Variants in MS4A18 observed in about 807,000 individuals in gnomAD.
MS4A18 encodes the protein membrane-spanning 4-domains subfamily A member 18.
MS4A18 carries 27 observed loss-of-function variants against 13.1 expected under a neutral mutation model. The ratio of observed to expected loss-of-function variants is 2.06; its 90% CI spans 1.52 to 2.84. MS4A18 has a LOEUF of 2.84. Ranked by LOEUF, MS4A18 falls within the 30% of genes most tolerant of loss-of-function variation. MS4A18 has a pLI of 0.00. For synonymous variants in MS4A18, 126 were observed against 76.5 expected (o/e 1.65, Z -3.38); for missense variants, 307 against 196.4 (o/e 1.56, Z -3.37).
At chr11:60,732,749 AAAAG>A (rs1853275893) in intron 1 of MS4A18, among the ~76,000 whole-genome samples, 2 of 148,122 alleles carry the variant, frequency 1.4e-5, no homozygotes, top group Admixed American at 6.7e-5. Context: ...AAAAAAAAAA[AAAAG>A]AAACACCTAC....
intron 3 of MS4A18, 145 bp from the exon 5 acceptor site, chr11:60,738,757 G>T: frequency 5.3e-6 from 3 of 568,142 alleles, no homozygotes; most frequent in Admixed American, 6.4e-5. Flanking sequence ...CCTCACTATC[G>T]CTAAAATAAA....
chr11:60,743,484 A>G (rs1257042911), intron 5 of MS4A18, among the ~76,000 whole-genome samples, 166 bp from the exon 7 acceptor site: 1 of 152,276 alleles, frequency 6.6e-6, no homozygotes, highest in Non-Finnish European at 1.5e-5. Flanking sequence ...TGTACAGATC[A>G]TATTTACTGT....
At chr11:60,737,925 C>T (rs145727017) in intron 3 of MS4A18, among the ~76,000 whole-genome samples, 1 of 152,340 alleles carries the variant, frequency 6.6e-6, no homozygotes, top group Non-Finnish European at 1.5e-5. Context: ...GTCCTCCAGA[C>T]ACCCCAGCAT....
chr11:60,736,542 C>T (rs1020144494), intron 2 of MS4A18, among the ~76,000 whole-genome samples: 1 of 152,176 alleles, frequency 6.6e-6, no homozygotes, highest in Non-Finnish European at 1.5e-5. Flanking sequence ...TCCTATCTCC[C>T]AGCCCCAAGG....
At chr11:60,728,579 GTGTC>G (rs1014443890), upstream of MS4A18, among the ~76,000 whole-genome samples, 3 of 151,490 alleles carry the variant, frequency 2.0e-5, no homozygotes, top group Admixed American at 6.6e-5. Flanking sequence ...GTGTGAGTGT[GTGTC>G]TGTCTGTCTG....
intron 4 of MS4A18, among the ~76,000 whole-genome samples, chr11:60,740,020 G>A (rs1176938640): frequency 6.6e-6 from 1 of 152,350 alleles, no homozygotes; most frequent in East Asian, 1.9e-4. Context: ...TGCACAGGGT[G>A]TAACTTGGTA....
At chr11:60,730,086 G>A (rs928060643) in intron 1 of MS4A18, among the ~76,000 whole-genome samples, 3 of 152,208 alleles carry the variant, frequency 2.0e-5, no homozygotes, top group South Asian at 2.1e-4. Context: ...CCACTAAAAA[G>A]ACCACTGAGC....
chr11:60,741,160 G>A lies in MS4A18; in HGVS notation c.858+17G>A, dbSNP rs1468046404. 1.4e-6 allele frequency: 1 copy of A among 702,988 alleles called. No individual in the cohort carries two copies. The highest frequency in any genetic ancestry group is 2.6e-6 in the Non-Finnish European group (1 of 384,998). The allele number at this position is 702,988 out of a possible 1,614,324, so 43.5% of individuals were successfully genotyped here. A position where few individuals can be genotyped will look rare whatever the true frequency, so the allele number is the denominator to read the frequency against. On this transcript the variant is annotated intron_variant, in intron 5 of 5. Coordinates refer to ENST00000529108, the Ensembl canonical transcript of MS4A18. ...CAATTTGAGGTAAGCATTGGACTCTGTTCCAGGAATCAGATCATGCTCTGG... is the reference window on the plus strand; with the variant it reads ...CAATTTGAGGTAAGCATTGGACTCTATTCCAGGAATCAGATCATGCTCTGG...
chr11:60,741,531 A>G (rs1486436497), intron 5 of MS4A18, among the ~76,000 whole-genome samples: 1 of 152,136 alleles, frequency 6.6e-6, no homozygotes. Flanking sequence ...AAGACACAGC[A>G]AGCTCCCACA....
chr11:60,740,995 A>C, intron 4 of MS4A18, 35 bp from the exon 6 acceptor site: 1 of 702,946 alleles, frequency 1.4e-6, no homozygotes. Context: ...ATCAACCTGA[A>C]GGACTAAATG....
chr11:60,741,133 G>A (rs1853409311), exon 5 of MS4A18: 1 of 703,064 alleles, frequency 1.4e-6, no homozygotes. Context: ...ACCTGCTGCA[G>A]ACAATTTGAG....
intron 2 of MS4A18, among the ~76,000 whole-genome samples, chr11:60,734,561 T>G (rs1253367091): frequency 6.6e-6 from 1 of 152,174 alleles, no homozygotes; most frequent in African/African-American, 2.4e-5. Context: ...TAAATAATAT[T>G]AATAAATTGA....
In MS4A18 at chr11:60,743,985, CAAGAA is replaced by C; in HGVS notation, c.1196_1200del (p.Lys399IlefsTer9). On this transcript the variant is annotated frameshift_variant, in exon 6 of 6. Transcript: ENST00000529108. LOFTEE classifies it high-confidence loss of function. ...GCAATGTACCCCCGAACCCTCGTAC[CAAGAA>C]ATAGCTGATTTGCACAGAGATAGAT... The C allele has an allele frequency of 1.4e-6, 1 of 701,734 alleles. No individual in the cohort carries two copies. Among genetic ancestry groups the C allele is most frequent in the Non-Finnish European group, 2.6e-6 (1 of 384,120 alleles). The allele number at this position is 701,734 out of a possible 1,614,324, so 43.5% of individuals were successfully genotyped here. A position where few individuals can be genotyped will look rare whatever the true frequency, so the allele number is the denominator to read the frequency against.
rs533883983 is a variant in MS4A18, at chr11:60,731,895, T to C, written c.478-1639T>C. Among the ~76,000 whole-genome samples the C allele has an allele frequency of 3.8e-3, 572 of 152,310 alleles. 3 individuals are homozygous for C. Among genetic ancestry groups the C allele is most frequent in the African/African-American group, 0.013 (530 of 41,556 alleles). ...AAGAGTGTGTTTATGTAAAATTAAA[T>C]GAGTGCTGGCAGCGAGCGGCACTAT... On this transcript the variant is annotated intron_variant, in intron 1 of 5. Transcript: ENST00000529108.
intron 1 of MS4A18, among the ~76,000 whole-genome samples, chr11:60,733,219 C>T (rs1387372488): frequency 2.0e-5 from 3 of 152,258 alleles, no homozygotes; most frequent in South Asian, 2.1e-4. Flanking sequence ...AACCCGGGCT[C>T]GGCCCGTGTC....
At chr11:60,729,724 T>A (rs751390762) in exon 1 of MS4A18, 1 of 702,734 alleles carries the variant, frequency 1.4e-6, no homozygotes, top group South Asian at 1.5e-5. Context: ...GAACACGTCA[T>A]TTGCATCATT....
exon 1 of MS4A18, chr11:60,729,720 G>A (rs1038193602): frequency 3.0e-5 from 21 of 702,632 alleles, no homozygotes; most frequent in Admixed American, 4.0e-5. Context: ...AGTGGAACAC[G>A]TCATTTGCAT....
chr11:60,729,828 T>A, intron 1 of MS4A18, 42 bp downstream of exon 2: 1 of 663,002 alleles, frequency 1.5e-6, no homozygotes, highest in Non-Finnish European at 2.7e-6. Flanking sequence ...GGTCACTTCA[T>A]AAGCCCTCGT....
At chr11:60,735,169 G>A (rs1853315646) in intron 2 of MS4A18, among the ~76,000 whole-genome samples, 1 of 152,086 alleles carries the variant, frequency 6.6e-6, no homozygotes, top group African/African-American at 2.4e-5. Flanking sequence ...ATTTTACCAC[G>A]ATTAAAAATA....
Sources: allele counts gnomAD v4.1 joint callset (sites outside exome capture counted in the v4.1 genomes callset), GRCh38; gene constraint gnomAD v4.1.1; transcripts MANE v1.5; gene names NCBI Gene and HGNC (gene_info 2026-07-23, HGNC 2026-07-21).